Variants in ZNF385B observed in about 807,000 individuals in gnomAD.
The protein encoded by ZNF385B is zinc finger protein 385B.
Under a neutral mutation model 39.2 loss-of-function variants are expected in ZNF385B, and 23 were observed. The observed-to-expected ratio is 0.59, with a 90% CI of 0.42 to 0.83. The LOEUF is 0.83. Among genes scored for constraint, ZNF385B ranks in the 40% least tolerant of loss-of-function variants. ZNF385B has a pLI of 0.00. For missense variants in ZNF385B, 552 were observed against 598.9 expected, an observed-to-expected ratio of 0.92 and a Z score of 0.82; for synonymous variants, 205 against 222.6, an observed-to-expected ratio of 0.92 and a Z score of 0.70.
In ZNF385B at chr2:179,483,378, T is replaced by A. The variant is rs766383617; in HGVS notation, c.609A>T (p.Leu203=). ...GSKHAKKVKA[L]DATKNKPKMV... The stretch of plus-strand genomic sequence containing the variant: ...TTTTGGGTTTATTTTTCGTTGCGTC[T>A]AGTGCTTTGACCTTCTTGGCATGTT... Residue 203 remains leucine, a synonymous_variant, in exon 6 of 10, where the codon CTA becomes CTT. Transcript: ENST00000410066. 23 of 1,614,090 alleles carry A rather than the reference T, an allele frequency of 1.4e-5. No homozygotes were observed. Among genetic ancestry groups the A allele is most frequent in the Non-Finnish European group, 1.9e-5 (23 of 1,179,942 alleles).
intron 3 of ZNF385B, among the ~76,000 whole-genome samples, chr2:179,709,562 T>C (rs1699852942): frequency 1.3e-5 from 2 of 152,224 alleles, no homozygotes; most frequent in African/African-American, 4.8e-5. Flanking sequence ...CTAGCCTGCA[T>C]ATGTCTTCTT....
chr2:179,844,298 T>C (rs1216468317), intron 1 of ZNF385B, among the ~76,000 whole-genome samples: 1 of 152,226 alleles, frequency 6.6e-6, no homozygotes, highest in Non-Finnish European at 1.5e-5. Flanking sequence ...TCCTTTCTGC[T>C]CTTGCAGTAT....
At chr2:179,837,707 G>T (rs191282072) in intron 1 of ZNF385B, among the ~76,000 whole-genome samples, 5 of 152,254 alleles carry the variant, frequency 3.3e-5, no homozygotes, top group Admixed American at 2.0e-4. Context: ...CAAAGTGCTT[G>T]CATGGTTTTA....
At chr2:179,562,073 A>G (rs2061370297) in intron 3 of ZNF385B, among the ~76,000 whole-genome samples, 1 of 152,202 alleles carries the variant, frequency 6.6e-6, no homozygotes, top group African/African-American at 2.4e-5. Flanking sequence ...TTGAACATGA[A>G]TCTCATTTTT....
intron 5 of ZNF385B, among the ~76,000 whole-genome samples, chr2:179,502,797 T>A (rs2056882796): frequency 6.6e-6 from 1 of 152,162 alleles, no homozygotes; most frequent in South Asian, 2.1e-4. Context: ...CACCCCCACA[T>A]TCAATCCATC....
At chr2:179,856,821 C>G (rs901498801) in intron 1 of ZNF385B, among the ~76,000 whole-genome samples, 1 of 152,082 alleles carries the variant, frequency 6.6e-6, no homozygotes, top group African/African-American at 2.4e-5. Context: ...ATAAACAAAC[C>G]TTCCATTCAG....
intron 3 of ZNF385B, among the ~76,000 whole-genome samples, chr2:179,579,119 C>G (rs1404535664): frequency 6.6e-6 from 1 of 151,994 alleles, no homozygotes; most frequent in Non-Finnish European, 1.5e-5. Context: ...TGACAATGAC[C>G]TCTTATGTTG....
chr2:179,760,352 C>A (rs1703308397), intron 3 of ZNF385B, among the ~76,000 whole-genome samples: 1 of 151,732 alleles, frequency 6.6e-6, no homozygotes, highest in Non-Finnish European at 1.5e-5. Context: ...CACCCCTATC[C>A]CTTACCAACC....
At chr2:179,635,850 T>C (rs1691703339) in intron 3 of ZNF385B, among the ~76,000 whole-genome samples, 1 of 152,190 alleles carries the variant, frequency 6.6e-6, no homozygotes, top group Non-Finnish European at 1.5e-5. Flanking sequence ...ACCTAAATTT[T>C]TGATAGTTGG....
At chr2:179,559,504 T>C (rs552577057) in intron 3 of ZNF385B, among the ~76,000 whole-genome samples, 91 of 152,294 alleles carry the variant, frequency 6.0e-4, no homozygotes, top group Admixed American at 2.0e-3. Context: ...TCATCATAAA[T>C]GACTGCCCCA....
At chr2:179,739,798 T>C (rs1701981795) in intron 3 of ZNF385B, among the ~76,000 whole-genome samples, 1 of 152,144 alleles carries the variant, frequency 6.6e-6, no homozygotes, top group South Asian at 2.1e-4. Context: ...TTCCAAGCCA[T>C]ACCCATTTTC....
At position 179,529,751 on chromosome 2, in the gene ZNF385B, G is replaced by A. The variant is rs189923283; in HGVS notation, c.442-11113C>T. ...GTACTTATACTTTATACTTCTCAGT[G>A]AGATATATTCATATTTAAACAGCAA... On this transcript the variant is annotated intron_variant, in intron 4 of 9. Coordinates refer to ENST00000410066, the MANE Select transcript of ZNF385B (RefSeq NM_152520.6). 3.0e-4 allele frequency among the ~76,000 whole-genome samples: 46 copies of A among 152,204 alleles called. No homozygotes were observed. The East Asian group carries it at 7.7e-3, about 26-fold the overall frequency.
At chr2:179,739,727 T>A (rs1428690002) in intron 3 of ZNF385B, among the ~76,000 whole-genome samples, 1 of 152,120 alleles carries the variant, frequency 6.6e-6, no homozygotes, top group East Asian at 1.9e-4. Context: ...TTAATCAAAC[T>A]TTTGGTTATT....
intron 3 of ZNF385B, among the ~76,000 whole-genome samples, chr2:179,748,586 T>C (rs1206933466): frequency 6.6e-6 from 1 of 152,142 alleles, no homozygotes; most frequent in Non-Finnish European, 1.5e-5. Context: ...TGCTATAAAC[T>C]ACTTGCAATA....
intron 3 of ZNF385B, among the ~76,000 whole-genome samples, chr2:179,621,466 G>T (rs1279796741): frequency 6.6e-6 from 1 of 152,164 alleles, no homozygotes; most frequent in Non-Finnish European, 1.5e-5. Flanking sequence ...GGAAGAGGGA[G>T]CCGTGATTTG....
chr2:179,598,548 T>C (rs747226811), intron 3 of ZNF385B, among the ~76,000 whole-genome samples: 2 of 152,160 alleles, frequency 1.3e-5, no homozygotes, highest in Non-Finnish European at 2.9e-5. Flanking sequence ...AAATATGAAG[T>C]CCATTTATTA....
intron 3 of ZNF385B, among the ~76,000 whole-genome samples, chr2:179,696,397 C>T (rs1450379443): frequency 1.6e-5 from 2 of 121,270 alleles, no homozygotes; most frequent in African/African-American, 6.1e-5. Flanking sequence ...CTAACCTCAC[C>T]CAAGTGTCTG....
intron 3 of ZNF385B, among the ~76,000 whole-genome samples, chr2:179,722,279 C>T (rs1300668861): frequency 6.6e-6 from 1 of 152,020 alleles, no homozygotes; most frequent in African/African-American, 2.4e-5. Context: ...AAGCAAATGG[C>T]CAAGATAGAT....
chr2:179,591,877 C>G (rs1182428632), intron 3 of ZNF385B, among the ~76,000 whole-genome samples: 1 of 152,092 alleles, frequency 6.6e-6, no homozygotes, highest in Non-Finnish European at 1.5e-5. Flanking sequence ...ATCACTTGGA[C>G]CCCAGGGATC....
Sources: allele counts gnomAD v4.1 joint callset (sites outside exome capture counted in the v4.1 genomes callset), GRCh38; gene constraint gnomAD v4.1.1; transcripts MANE v1.5; gene names NCBI Gene and HGNC (gene_info 2026-07-23, HGNC 2026-07-21).